Variants in HDAC4 observed in about 807,000 individuals in gnomAD.
HDAC4 encodes histone deacetylase 4.
Under a neutral mutation model 135.1 loss-of-function variants are expected in HDAC4, and 16 were observed. The ratio of observed to expected loss-of-function variants is 0.12; its 90% CI spans 0.08 to 0.18. The LOEUF (loss-of-function observed/expected upper bound fraction) is 0.18, where lower values mean the gene tolerates loss of function less well. HDAC4 is among the 10% of genes least tolerant of loss of function. The probability of loss-of-function intolerance (pLI) is 1.00; values close to 1 mark genes in which losing one functional copy is unlikely to be tolerated. For missense variants in HDAC4, 1,143 were observed against 1,511.8 expected, an observed-to-expected ratio of 0.76 and a Z score of 4.05; for synonymous variants, 685 against 653.4, an observed-to-expected ratio of 1.05 and a Z score of -0.74.
intron 2 of HDAC4, among the ~76,000 whole-genome samples, chr2:239,319,057 C>T (rs1459560365): frequency 5.9e-5 from 9 of 152,038 alleles, no homozygotes. Context: ...GATCATTCAA[C>T]AATGAAGGAA....
intron 7 of HDAC4, among the ~76,000 whole-genome samples, chr2:239,152,057 T>C (rs1306146723): frequency 2.0e-5 from 3 of 152,198 alleles, no homozygotes; most frequent in African/African-American, 4.8e-5. Flanking sequence ...AGAGTCATTA[T>C]AAAAAATACA....
intron 1 of HDAC4, among the ~76,000 whole-genome samples, chr2:239,385,341 C>T (rs1333503866): frequency 6.6e-6 from 1 of 152,266 alleles, no homozygotes; most frequent in African/African-American, 2.4e-5. Context: ...CACTGGCTGG[C>T]AGTGTCAGGA....
At position 239,293,698 on chromosome 2, in the gene HDAC4, C is replaced by T. The variant is rs6745354; in HGVS notation, c.23-57034G>A. Among the ~76,000 whole-genome samples the T allele has an allele frequency of 3.0e-3, 458 of 152,314 alleles. 2 individuals carry two copies. Among genetic ancestry groups the T allele is most frequent in the African/African-American group, 9.9e-3 (412 of 41,564 alleles). On this transcript the variant is annotated intron_variant, in intron 2 of 26. Coordinates refer to ENST00000543185, the MANE Select transcript of HDAC4 (RefSeq NM_001378414.1). ...ATCTCTGGGCTCTCTCCAGCTGATG[C>T]GCTTCTAGCTGCTGTGCCTGGCCAC...
At chr2:239,311,620 T>C (rs2052883568) in intron 2 of HDAC4, among the ~76,000 whole-genome samples, 1 of 152,118 alleles carries the variant, frequency 6.6e-6, no homozygotes, top group Admixed American at 6.5e-5. Flanking sequence ...CTGTGACCCA[T>C]GACAGGAAAG....
chr2:239,341,320 C>G (rs1164773613), intron 2 of HDAC4, among the ~76,000 whole-genome samples: 1 of 152,254 alleles, frequency 6.6e-6, no homozygotes, highest in African/African-American at 2.4e-5. Flanking sequence ...AAAGACAGGG[C>G]CAGGCAGCAC....
chr2:239,390,507 T>C (rs1452712160), intron 1 of HDAC4, among the ~76,000 whole-genome samples: 3 of 152,060 alleles, frequency 2.0e-5, no homozygotes, highest in African/African-American at 4.8e-5. Context: ...TGAGTGGTGA[T>C]TGTACCAGTA....
intron 2 of HDAC4, among the ~76,000 whole-genome samples, chr2:239,345,315 G>A (rs562646948): frequency 3.0e-4 from 45 of 152,228 alleles, no homozygotes; most frequent in Non-Finnish European, 5.1e-4. Context: ...TTGGGAGGCC[G>A]AGGGGGCAGG....
intron 1 of HDAC4, among the ~76,000 whole-genome samples, chr2:239,379,024 G>A (rs1486763908): frequency 6.6e-6 from 1 of 152,162 alleles, no homozygotes; most frequent in Non-Finnish European, 1.5e-5. Context: ...CAGCCGCAGG[G>A]GTGGGACGGG....
chr2:239,088,413 G>A (rs758631772), intron 18 of HDAC4, among the ~76,000 whole-genome samples: 6 of 152,230 alleles, frequency 3.9e-5, no homozygotes, highest in Non-Finnish European at 7.3e-5. Flanking sequence ...ATGAGGTGGC[G>A]GCAAACGCTC....
chr2:239,287,063 C>T (rs1179970511), intron 2 of HDAC4, among the ~76,000 whole-genome samples: 2 of 152,162 alleles, frequency 1.3e-5, no homozygotes, highest in African/African-American at 4.8e-5. Context: ...AGGGAATGTC[C>T]TGGGGACCTC....
intron 1 of HDAC4, among the ~76,000 whole-genome samples, chr2:239,374,352 G>A (rs1389741555): frequency 6.7e-6 from 1 of 148,802 alleles, no homozygotes; most frequent in Non-Finnish European, 1.5e-5. Flanking sequence ...GACCAGGAGA[G>A]GAGGAAACCA....
chr2:239,290,731 C>T (rs1055905573), intron 2 of HDAC4, among the ~76,000 whole-genome samples: 9 of 151,992 alleles, frequency 5.9e-5, no homozygotes, highest in East Asian at 5.8e-4. Flanking sequence ...CACTCACGTA[C>T]GCACACACGC....
intron 5 of HDAC4, among the ~76,000 whole-genome samples, chr2:239,174,734 T>C (rs911167258): frequency 3.9e-5 from 6 of 152,174 alleles, no homozygotes; most frequent in Non-Finnish European, 2.9e-5. Context: ...GCCAAATATC[T>C]AACAACTTTA....
At chr2:239,372,468 T>C (rs1309167339) in intron 1 of HDAC4, among the ~76,000 whole-genome samples, 4 of 152,238 alleles carry the variant, frequency 2.6e-5, no homozygotes, top group Non-Finnish European at 5.9e-5. Flanking sequence ...GGTCCTTCCT[T>C]GGGCTGGGCT....
Position 239,082,135 on chromosome 2 carries a change from C to G in HDAC4, c.2619G>C (p.Gly873=). Residue 873 remains glycine (G), a synonymous_variant, in exon 21 of 27, where the codon GGG becomes GGC. Coordinates refer to ENST00000543185, the MANE Select transcript of HDAC4 (RefSeq NM_001378414.1). ...GAGCCCCGCTGCCTGGGAAGAAGTT[C>G]CCATCGTCGTAGCGGTGGAGGGACA... ...LYMSLHRYDD[G]NFFPGSGAPD... 1.9e-6 allele frequency: 3 copies of G among 1,613,476 alleles called. No homozygotes were observed. Among genetic ancestry groups the G allele is most frequent in the Non-Finnish European group, 2.5e-6 (3 of 1,179,726 alleles).
At chr2:239,203,116 G>A (rs183984917) in intron 3 of HDAC4, among the ~76,000 whole-genome samples, 5 of 152,284 alleles carry the variant, frequency 3.3e-5, no homozygotes, top group African/African-American at 9.6e-5. Context: ...AAGCTACCGC[G>A]AAAAGGCCAA....
At chr2:239,099,689 C>G (rs748017156) in intron 16 of HDAC4, among the ~76,000 whole-genome samples, 2 of 152,322 alleles carry the variant, frequency 1.3e-5, no homozygotes, top group African/African-American at 4.8e-5. Context: ...CGGTGCTCCC[C>G]GCCTCCGCTA....
rs1316892784 is a variant in HDAC4 at position 239,281,283 on chromosome 2, C to CTA, written c.23-44620_23-44619insTA. ...CACCACTCTACACACAATGAACACACCACTCTACAATGAACACACCACTCT... is the reference window on the plus strand; with the variant it reads ...CACCACTCTACACACAATGAACACACTACACTCTACAATGAACACACCACTCT... On this transcript the variant is annotated intron_variant, in intron 2 of 26. Coordinates refer to ENST00000543185, the MANE Select transcript of HDAC4 (RefSeq NM_001378414.1). Among the ~76,000 whole-genome samples the CTA allele has an allele frequency of 9.4e-3, 981 of 104,070 alleles. 9 individuals are homozygous for CTA. Among genetic ancestry groups the CTA allele is most frequent in the Non-Finnish European group, 0.012 (521 of 42,880 alleles). The allele number at this position is 104,070 out of a possible 152,430, so 68.3% of individuals were successfully genotyped here.
intron 16 of HDAC4, among the ~76,000 whole-genome samples, chr2:239,097,121 C>T (rs1027610177): frequency 1.3e-5 from 2 of 152,238 alleles, no homozygotes; most frequent in South Asian, 2.1e-4. Context: ...CAAAGGCCTA[C>T]GTGCTCGGAG....
Sources: gnomAD v4.1 joint callset for allele counts (sites outside exome capture counted in the v4.1 genomes callset) on GRCh38, gnomAD v4.1.1 for gene constraint, MANE v1.5 for transcripts, NCBI Gene and HGNC (gene_info 2026-07-23, HGNC 2026-07-21) for gene names.